The following CCN6 variants were observed in gnomAD, a reference collection of about 807,000 sequenced individuals.
CCN6 encodes CCN family member 6.
In CCN6, 31 loss-of-function variants were observed where a neutral mutation model predicts 37.4. The ratio of observed to expected loss-of-function variants is 0.83; its 90% CI spans 0.62 to 1.12. CCN6 has a LOEUF of 1.12. Among genes scored for constraint, CCN6 ranks in the 50% most tolerant of loss-of-function variants. The probability of loss-of-function intolerance (pLI) is 0.00; values close to 1 mark genes in which losing one functional copy is unlikely to be tolerated. For missense variants in CCN6, 369 were observed against 413.8 expected (o/e 0.89, Z 0.94); for synonymous variants, 137 against 142.1 (o/e 0.96, Z 0.26).
chr6:112,067,069 T>C lies in CCN6; in HGVS notation c.590-1136T>C, dbSNP rs79956591. On this transcript the variant is annotated intron_variant, in intron 3 of 4. Transcript: ENST00000368666. Reference sequence around the variant, plus strand: ...TTTCTGCTTCCTCTCCTCAGTTCTATGTGCAATTGCAAGAGACTCTACTGT... The same window carrying C: ...TTTCTGCTTCCTCTCCTCAGTTCTACGTGCAATTGCAAGAGACTCTACTGT... 504 of 1,349,294 alleles carry C rather than the reference T, an allele frequency of 3.7e-4. No homozygotes were observed. The African/African-American group carries it at 7.0e-3, about 19-fold the overall frequency. The allele number at this position is 1,349,294 out of a possible 1,614,324, so 83.6% of individuals were successfully genotyped here.
intron 1 of CCN6, among the ~76,000 whole-genome samples, chr6:112,055,896 T>C (rs1339905635): frequency 6.6e-6 from 1 of 152,100 alleles, no homozygotes; most frequent in Non-Finnish European, 1.5e-5. Context: ...GGCCCAAGGG[T>C]GCTTTAGTTA....
intron 2 of CCN6, 41 bp downstream of exon 2, chr6:112,061,329 T>C (rs1554312839): frequency 1.9e-6 from 3 of 1,613,792 alleles, no homozygotes; most frequent in Non-Finnish European, 1.7e-6. Flanking sequence ...AGATTGAGTC[T>C]AGACAGAATT....
intron 3 of CCN6, among the ~76,000 whole-genome samples, chr6:112,067,328 G>A (rs1776727797): frequency 6.6e-6 from 1 of 152,074 alleles, no homozygotes; most frequent in African/African-American, 2.4e-5. Flanking sequence ...GAGACAGTAA[G>A]TCAATATGTA....
intron 4 of CCN6, 65 bp from the exon 5 acceptor site, chr6:112,069,274 C>T: frequency 6.5e-7 from 1 of 1,541,430 alleles, no homozygotes; most frequent in Non-Finnish European, 8.8e-7. Flanking sequence ...ATAAACTATT[C>T]TACATGTTTT....
chr6:112,068,240 T>A lies in CCN6; in HGVS notation c.625T>A (p.Cys209Ser), dbSNP rs782088046. ...TCTCCCACTTATTTGGAAAAAAAAA[T>A]GTCTTGTGCAAGCAACAAAATGGAC... ...RNLPLIWKKK[C>S]LVQATKWTPC... Residue 209 changes from cysteine (C) to serine (S), a missense_variant, in exon 4 of 5, where the codon TGT becomes AGT. Coordinates refer to ENST00000368666, the MANE Select transcript of CCN6 (RefSeq NM_198239.2). 5.0e-6 allele frequency: 8 copies of A among 1,609,816 alleles called. No homozygotes were observed. Among genetic ancestry groups the A allele is most frequent in the East Asian group, 2.2e-5 (1 of 44,776 alleles).
At chr6:112,062,091 C>G (rs1776542336) in intron 2 of CCN6, among the ~76,000 whole-genome samples, 1 of 152,148 alleles carries the variant, frequency 6.6e-6, no homozygotes, top group African/African-American at 2.4e-5. Flanking sequence ...CCTGCCAGCA[C>G]TGTATTGTAT....
chr6:112,053,143 C>T (rs1776254365), upstream of CCN6, among the ~76,000 whole-genome samples: 1 of 152,056 alleles, frequency 6.6e-6, no homozygotes, highest in Non-Finnish European at 1.5e-5. Context: ...ACCACGGCAG[C>T]TGCAAATGAA....
chr6:112,064,965 A>G lies in CCN6; in HGVS notation c.557A>G (p.Gln186Arg), dbSNP rs1554313629. 3.1e-6 allele frequency: 5 copies of G among 1,614,064 alleles called. No homozygotes were observed. The highest frequency in any genetic ancestry group is 3.4e-6 in the Non-Finnish European group (4 of 1,179,930). Residue 186 changes from glutamine (Q) to arginine (R), a missense_variant, in exon 3 of 5, where the codon CAG (glutamine) becomes CGG (arginine). Transcript: ENST00000368666. ...QSNCSLEPLL[Q>R]QLSTSYKTMP... is the part of the protein sequence containing the mutation. ...AACTGTAGCCTGGAACCATTACTAC[A>G]GCAGCTTTCAACAAGCTACAAAACA...
rs587599215 is a variant in CCN6 at position 112,056,253 on chromosome 6, G to T, written c.48+1848G>T. 2.6e-5 allele frequency among the ~76,000 whole-genome samples: 4 copies of T among 152,216 alleles called. No homozygotes were observed. In the South Asian group the frequency reaches 8.3e-4, roughly 32 times the overall value. On this transcript the variant is annotated intron_variant, in intron 1 of 4. Coordinates refer to ENST00000368666, the MANE Select transcript of CCN6 (RefSeq NM_198239.2). ...CGAAGATCCTCCTTTAGTATTTCTT[G>T]TGAGGCAGATCAGCTAGCAACAATT...
Position 112,064,997 on chromosome 6 carries a change from G to C in CCN6, c.589G>C (p.Ala197Pro), listed in dbSNP as rs1554313639. The C allele has an allele frequency of 4.3e-6, 7 of 1,613,844 alleles. No homozygotes were observed. Among genetic ancestry groups the C allele is most frequent in the Non-Finnish European group, 5.9e-6 (7 of 1,179,910 alleles). ...TTCAACAAGCTACAAAACAATGCCA[G>C]GTGCTCAGAAGTAGAGCTATTTTTC... is the stretch of plus-strand genomic sequence containing the variant. ...QLSTSYKTMPAYRNLPLIWKK... is the reference protein window; with the variant it reads ...QLSTSYKTMPPYRNLPLIWKK... Residue 197 changes from alanine to proline, a missense_variant and splice_region_variant, in exon 3 of 5, where the codon GCT (alanine) becomes CCT (proline). Coordinates refer to ENST00000368666, the MANE Select transcript of CCN6 (RefSeq NM_198239.2).
chr6:112,069,247 A>G (rs925009832), intron 4 of CCN6, 92 bp from the exon 5 acceptor site: 73 of 1,427,692 alleles, frequency 5.1e-5, no homozygotes, highest in Non-Finnish European at 6.6e-5. Flanking sequence ...ATGCCTCCAA[A>G]TACTCAGATT....
intron 2 of CCN6, among the ~76,000 whole-genome samples, chr6:112,061,781 G>T (rs1322523575): frequency 6.6e-6 from 1 of 152,152 alleles, no homozygotes; most frequent in Non-Finnish European, 1.5e-5. Context: ...AAAAAAGAAG[G>T]TGAGGTCACC....
chr6:112,058,759 C>T (rs75363339), intron 1 of CCN6, among the ~76,000 whole-genome samples: 3,275 of 152,264 alleles, frequency 0.022, 122 homozygotes, highest in African/African-American at 0.076. Context: ...CTGCAAGACA[C>T]GAGGAGGGCC....
rs782066946 is a variant in CCN6 at position 112,061,288 on chromosome 6, T to C, written c.346T>C (p.Tyr116His). 25 of 1,614,044 alleles carry C rather than the reference T, an allele frequency of 1.5e-5. No homozygotes were observed. The highest frequency in any genetic ancestry group is 2.7e-5 in the African/African-American group (2 of 74,920). The change falls in exon 2 of 5, where the codon TAC (tyrosine) becomes CAC (histidine). Residue 116 changes from tyrosine (Y) to histidine (H), a missense_variant and splice_region_variant. Tyr to His is a moderately conservative substitution (Grantham distance 83). Transcript: ENST00000368666. ...TAGGTACGAGACTGGAGTGTGTGCA[T>C]GTAAGTGTCTTCTTCTGGACCTGCT... is the stretch of plus-strand genomic sequence containing the variant. ...RPRYETGVCAYLVAVGCEFNQ... is the reference protein window; with the variant it reads ...RPRYETGVCAHLVAVGCEFNQ...
Position 112,064,932 on chromosome 6 carries a change from ATCAG to A in CCN6, c.528_531del (p.Ser177ThrfsTer54). On this transcript the variant is annotated frameshift_variant, in exon 3 of 5. Coordinates refer to ENST00000368666, the MANE Select transcript of CCN6 (RefSeq NM_198239.2). LOFTEE classifies it high-confidence loss of function. Reference sequence around the variant, plus strand: ...GGAGCTAAAGGTGGAAAGAAGTCTGATCAGTCAAACTGTAGCCTGGAACCATTAC... The same window carrying A: ...GGAGCTAAAGGTGGAAAGAAGTCTGATCAAACTGTAGCCTGGAACCATTAC... 1.9e-6 allele frequency: 3 copies of A among 1,614,050 alleles called. No homozygotes were observed. Among genetic ancestry groups the A allele is most frequent in the Non-Finnish European group, 2.5e-6 (3 of 1,179,936 alleles).
At position 112,068,227 on chromosome 6, in the gene CCN6, T is replaced by C; in HGVS notation, c.612T>C (p.Ile204=). 1 of 1,610,756 alleles carries C rather than the reference T, an allele frequency of 6.2e-7. No individual in the cohort carries two copies. The highest frequency in any genetic ancestry group is 8.5e-7 in the Non-Finnish European group (1 of 1,178,892). The change falls in exon 4 of 5, where the codon ATT becomes ATC. Residue 204 remains isoleucine (I), a synonymous_variant. Transcript: ENST00000368666. The part of the protein sequence containing the change: ...TMPAYRNLPL[I]WKKKCLVQAT... ...TAGCTTATAGAAATCTCCCACTTATTTGGAAAAAAAAATGTCTTGTGCAAG... is the reference window on the plus strand; with the variant it reads ...TAGCTTATAGAAATCTCCCACTTATCTGGAAAAAAAAATGTCTTGTGCAAG...
At chr6:112,053,851 A>T, upstream of CCN6, among the ~76,000 whole-genome samples, 1 of 104,956 alleles carries the variant, frequency 9.5e-6, no homozygotes, top group Non-Finnish European at 2.0e-5. Flanking sequence ...CTAGGCTGCG[A>T]TGGGTGCTGT....
intron 2 of CCN6, among the ~76,000 whole-genome samples, chr6:112,061,781 G>A (rs1322523575): frequency 6.6e-6 from 1 of 152,152 alleles, no homozygotes; most frequent in African/African-American, 2.4e-5. Context: ...AAAAAAGAAG[G>A]TGAGGTCACC....
intron 1 of CCN6, among the ~76,000 whole-genome samples, chr6:112,060,689 A>G (rs1554312607): frequency 6.6e-6 from 1 of 152,244 alleles, no homozygotes; most frequent in East Asian, 1.9e-4. Flanking sequence ...GGCCTTATCC[A>G]TGGGGCTCTG....
Sources: gnomAD v4.1 joint callset for allele counts (sites outside exome capture counted in the v4.1 genomes callset) on GRCh38, gnomAD v4.1.1 for gene constraint, MANE v1.5 for transcripts, NCBI Gene and HGNC (gene_info 2026-07-23, HGNC 2026-07-21) for gene names.